Variants in ADPGK observed in about 807,000 individuals in gnomAD.
The protein encoded by ADPGK is ADP dependent glucokinase.
A neutral mutation model predicts 42.4 loss-of-function variants in ADPGK; 26 were observed. The ratio of observed to expected loss-of-function variants is 0.61; its 90% CI spans 0.45 to 0.85. The LOEUF (loss-of-function observed/expected upper bound fraction) is 0.85. Among genes scored for constraint, ADPGK ranks in the 40% least tolerant of loss-of-function variants. ADPGK has a pLI of 0.00. For synonymous variants in ADPGK, 267 were observed against 252.6 expected (o/e 1.06, Z -0.54); for missense variants, 571 against 627.0 (o/e 0.91, Z 0.95).
In ADPGK at chr15:72,752,631, C is replaced by T; in HGVS notation, c.1204G>A (p.Ala402Thr). The T allele has an allele frequency of 6.2e-7, 1 of 1,614,266 alleles. No individual in the cohort carries two copies. Among genetic ancestry groups the T allele is most frequent in the Non-Finnish European group, 8.5e-7 (1 of 1,180,042 alleles). ...VDGHWANQLAAVAAGARVAGT... is the reference protein window; with the variant it reads ...VDGHWANQLATVAAGARVAGT... ...GCCACACGAGCTCCTGCAGCCACGG[C>T]TGCCAGCTGGTTGGCCCAGTGTCCA... Residue 402 changes from alanine to threonine, a missense_variant, in exon 7 of 7, where the codon GCC (alanine) becomes ACC (threonine). This residue lies in a region of ADPGK where 434 missense variants were observed against 522.7 expected (regional missense o/e 0.83). Coordinates refer to ENST00000456471, the MANE Select transcript of ADPGK (RefSeq NM_001365225.1).
chr15:72,754,813 G>A (rs750960534), intron 6 of ADPGK, among the ~76,000 whole-genome samples: 1 of 152,154 alleles, frequency 6.6e-6, no homozygotes, highest in East Asian at 1.9e-4. Flanking sequence ...TATTCAGTAG[G>A]CTATGCTATC....
intron 1 of ADPGK, among the ~76,000 whole-genome samples, chr15:72,780,152 C>T (rs1169600037): frequency 6.6e-6 from 1 of 152,048 alleles, no homozygotes; most frequent in African/African-American, 2.4e-5. Context: ...AATGAATTGC[C>T]CGGGACTGGG....
rs769470147 is a variant in ADPGK at position 72,783,659 on chromosome 15, G to A, written c.33C>T (p.Gly11=). ...CGCAGCCCACGGCCAGCGCCAGGAA[G>A]CCCGCGTACGCGGAGCCGCGCCACA... MALWRGSAYA[G]FLALAVGCVF... is the part of the protein sequence containing the mutation. Residue 11 remains glycine, a synonymous_variant, in exon 1 of 7, where the codon GGC becomes GGT. Transcript: ENST00000456471. The A allele has an allele frequency of 4.6e-6, 7 of 1,506,512 alleles. No homozygotes were observed. The highest frequency in any genetic ancestry group is 2.5e-5 in the South Asian group (2 of 80,864). 93.3% of individuals were successfully genotyped at this position (1,506,512 alleles called of 1,614,324 possible). A position where few individuals can be genotyped will look rare whatever the true frequency, so the allele number is the denominator to read the frequency against.
At chr15:72,759,085 C>A (rs1296737637) in intron 4 of ADPGK, among the ~76,000 whole-genome samples, 1 of 152,246 alleles carries the variant, frequency 6.6e-6, no homozygotes, top group East Asian at 1.9e-4. Flanking sequence ...TTATAGGCGC[C>A]CGCCTCCACA....
intron 2 of ADPGK, among the ~76,000 whole-genome samples, chr15:72,772,848 T>C (rs2066345330): frequency 6.6e-6 from 1 of 152,154 alleles, no homozygotes; most frequent in Non-Finnish European, 1.5e-5. Flanking sequence ...AATTCAAGGT[T>C]GGTGTTCCAT....
chr15:72,753,216 T>A (rs1466904595), intron 6 of ADPGK, among the ~76,000 whole-genome samples: 2 of 152,206 alleles, frequency 1.3e-5, no homozygotes, highest in Non-Finnish European at 2.9e-5. Context: ...ACTGCACACA[T>A]AGGAGATACT....
At chr15:72,758,244 T>TA (rs201116326) in intron 4 of ADPGK, 25,768 of 932,814 alleles carry the variant, frequency 0.028, 567 homozygotes, top group Middle Eastern at 0.031. Context: ...ATTCTGCCTG[T>TA]AATGGTAGTT....
In ADPGK at chr15:72,783,708, C is replaced by A; in HGVS notation, c.-17G>T. 6.9e-7 allele frequency: 1 copy of A among 1,452,998 alleles called. No individual in the cohort carries two copies. The highest frequency in any genetic ancestry group is 1.4e-5 in the South Asian group (1 of 73,056). 90.0% of individuals were successfully genotyped at this position (1,452,998 alleles called of 1,614,324 possible). A position where few individuals can be genotyped will look rare whatever the true frequency, so the allele number is the denominator to read the frequency against. Reference sequence around the variant, plus strand: ...CAGCGCCATGGGGACCCAGGCGCCGCACCTGCGCGAACCAACTCCTTTCCT... The same window carrying A: ...CAGCGCCATGGGGACCCAGGCGCCGAACCTGCGCGAACCAACTCCTTTCCT... On this transcript the variant is annotated 5_prime_UTR_variant, in exon 1 of 7. Transcript: ENST00000456471.
intron 3 of ADPGK, among the ~76,000 whole-genome samples, chr15:72,768,923 G>A (rs1485713297): frequency 2.7e-5 from 4 of 149,040 alleles, no homozygotes; most frequent in Admixed American, 1.3e-4. Flanking sequence ...GCAGTGAGCC[G>A]AGATCATGCC....
At chr15:72,770,984 T>A (rs577452557) in intron 3 of ADPGK, among the ~76,000 whole-genome samples, 1 of 152,340 alleles carries the variant, frequency 6.6e-6, no homozygotes, top group Non-Finnish European at 1.5e-5. Flanking sequence ...TCTGCACTGA[T>A]CAAGGTTATT....
chr15:72,755,000 T>C (rs1033811902), intron 6 of ADPGK, among the ~76,000 whole-genome samples: 5 of 152,204 alleles, frequency 3.3e-5, no homozygotes, highest in African/African-American at 1.2e-4. Context: ...TTTAACCAAA[T>C]GAATATATTA....
At chr15:72,771,392 T>C (rs989802059) in intron 3 of ADPGK, among the ~76,000 whole-genome samples, 1 of 152,302 alleles carries the variant, frequency 6.6e-6, no homozygotes, top group East Asian at 1.9e-4. Context: ...AACTATTAAA[T>C]GATATGGTGC....
At chr15:72,761,220 C>CCCA (rs761903118) in intron 3 of ADPGK, among the ~76,000 whole-genome samples, 1 of 152,210 alleles carries the variant, frequency 6.6e-6, no homozygotes, top group Non-Finnish European at 1.5e-5. Flanking sequence ...AGACCCTACC[C>CCCA]CCACTTTCTT....
chr15:72,774,636 T>G (rs566541095), intron 2 of ADPGK, among the ~76,000 whole-genome samples: 1 of 152,272 alleles, frequency 6.6e-6, no homozygotes, highest in East Asian at 1.9e-4. Flanking sequence ...CCACATCTAC[T>G]GAATCTGAAC....
At chr15:72,758,924 CATTCTTTTATTTATTT>C (rs2066152685) in intron 4 of ADPGK, among the ~76,000 whole-genome samples, 1 of 152,156 alleles carries the variant, frequency 6.6e-6, no homozygotes. Flanking sequence ...ACAGTCAGGT[CATTCTTTTATTTATTT>C]ATTATTATTA....
At position 72,752,388 on chromosome 15, in the gene ADPGK, T is replaced by C. The variant is rs2066056527; in HGVS notation, c.1447A>G (p.Ile483Val). 1.2e-6 allele frequency: 2 copies of C among 1,614,064 alleles called. No individual in the cohort carries two copies. Among genetic ancestry groups the C allele is most frequent in the African/African-American group, 1.3e-5 (1 of 74,942 alleles). The change falls in exon 7 of 7, where the codon ATT becomes GTT. Residue 483 changes from isoleucine to valine, a missense_variant. By Grantham distance (29) the Ile-to-Val change is conservative (BLOSUM62 3). Around this residue, in one of 2 missense-constraint regions of ADPGK, gnomAD observed 434 missense variants for 522.7 expected, o/e 0.83. Coordinates refer to ENST00000456471, the MANE Select transcript of ADPGK (RefSeq NM_001365225.1). ...PIRTVGLGDA[I>V]SAEGLFYSEV... is the part of the protein sequence containing the mutation. ...GAATAGAAGAGTCCTTCGGCTGAAA[T>C]GGCATCTCCAAGGCCTACAGTTCGA...
At chr15:72,755,932 T>C (rs978837415) in intron 5 of ADPGK, 1 of 646,398 alleles carries the variant, frequency 1.5e-6, no homozygotes, top group Non-Finnish European at 2.9e-6. Context: ...GCAGCATAGC[T>C]GATGTGAAGT....
At chr15:72,766,666 ATTTGTTTTATTGCAGTC>A (rs1193372328) in intron 3 of ADPGK, among the ~76,000 whole-genome samples, 3 of 152,214 alleles carry the variant, frequency 2.0e-5, no homozygotes, top group African/African-American at 7.2e-5. Context: ...TTATTGCAGT[ATTTGTTTTATTGCAGTC>A]GTCTAGAACC....
intron 4 of ADPGK, chr15:72,757,153 T>TAA: frequency 6.6e-6 from 1 of 152,374 alleles, no homozygotes; most frequent in Middle Eastern, 3.4e-3. Flanking sequence ...CACTGTACCC[T>TAA]AATACAGGAC....
Sources: gnomAD v4.1 joint callset for allele counts (sites outside exome capture counted in the v4.1 genomes callset) on GRCh38, gnomAD v4.1.1 for gene constraint, gnomAD v4.1.1 regional missense constraint, MANE v1.5 for transcripts, NCBI Gene and HGNC (gene_info 2026-07-23, HGNC 2026-07-21) for gene names.